Variants in MAP4 observed in about 807,000 individuals in gnomAD.
The protein encoded by MAP4 is microtubule-associated protein 4.
A neutral mutation model predicts 170.2 loss-of-function variants in MAP4; 76 were observed. The observed-to-expected ratio is 0.45, with a 90% CI of 0.37 to 0.54. MAP4 has a LOEUF of 0.54. Among genes scored for constraint, MAP4 ranks in the 20% least tolerant of loss-of-function variants. The probability of loss-of-function intolerance (pLI) is 0.00; values close to 1 mark genes in which losing one functional copy is unlikely to be tolerated. For synonymous variants in MAP4, 909 were observed against 994.5 expected (o/e 0.91, Z 1.62); for missense variants, 2,506 against 2,748.0 (o/e 0.91, Z 1.97).
At chr3:47,991,983 C>CAA (rs764539272) in intron 2 of MAP4, among the ~76,000 whole-genome samples, 22 of 131,918 alleles carry the variant, frequency 1.7e-4, no homozygotes, top group African/African-American at 5.9e-4. Flanking sequence ...ACCCTGTCTT[C>CAA]AAAAAAAAAA....
In MAP4 at chr3:47,984,514, A is replaced by G. The variant is rs915216024; in HGVS notation, c.224-6581T>C. 5.9e-5 allele frequency among the ~76,000 whole-genome samples: 9 copies of G among 152,160 alleles called. No homozygotes were observed. In the East Asian group the frequency reaches 1.7e-3, roughly 29 times the overall value. On this transcript the variant is annotated intron_variant, in intron 2 of 20. Coordinates refer to ENST00000683076, the MANE Select transcript of MAP4 (RefSeq NM_001385682.1). ...ATATCTCCTCACAAATTACTTATTC[A>G]TTACAAGGAGAAAAATATAAATTTT... is the stretch of plus-strand genomic sequence containing the variant.
chr3:48,004,854 A>C (rs556960089), intron 1 of MAP4, among the ~76,000 whole-genome samples: 1 of 151,668 alleles, frequency 6.6e-6, no homozygotes, highest in Non-Finnish European at 1.5e-5. Context: ...CCCCGCCATC[A>C]ACCTTTCCAT....
chr3:47,997,871 T>C (rs1469482400), intron 2 of MAP4, among the ~76,000 whole-genome samples: 1 of 152,166 alleles, frequency 6.6e-6, no homozygotes, highest in African/African-American at 2.4e-5. Context: ...AGATACAAAC[T>C]ACCAAAGCTA....
intron 10 of MAP4, among the ~76,000 whole-genome samples, chr3:47,897,720 CA>C (rs2100027677): frequency 6.6e-6 from 1 of 151,700 alleles, no homozygotes; most frequent in Non-Finnish European, 1.5e-5. Flanking sequence ...GGGCGGATCA[CA>C]AGGTCAGGAG....
chr3:48,072,809 G>A (rs953763773), intron 1 of MAP4, among the ~76,000 whole-genome samples: 3 of 152,072 alleles, frequency 2.0e-5, no homozygotes, highest in Non-Finnish European at 2.9e-5. Context: ...ATTATGCTCC[G>A]CTAAGTCCCA....
In MAP4 at chr3:47,916,641, T is replaced by C. The variant is rs1315580739; in HGVS notation, c.1186A>G (p.Met396Val). 6 of 1,614,104 alleles carry C rather than the reference T, an allele frequency of 3.7e-6. No individual in the cohort carries two copies. The Admixed American group carries it at 5.0e-5, about 13-fold the overall frequency. ...IKMDLAPSKD[M>V]GPPKENKIVP... ...ATCTTGTTTTCTTTGGGTGGTCCCA[T>C]GTCCTTGGAAGGAGCCAAGTCCATT... is the stretch of plus-strand genomic sequence containing the variant. The change falls in exon 7 of 21, where the codon ATG becomes GTG. Residue 396 changes from methionine to valine, a missense_variant. By Grantham distance (21) the Met-to-Val change is conservative (BLOSUM62 1). Around this residue, in one of 3 missense-constraint regions of MAP4, gnomAD observed 2,008 missense variants for 2,206.0 expected, o/e 0.91. Transcript: ENST00000683076.
At chr3:48,057,788 A>G (rs1180641885) in intron 1 of MAP4, among the ~76,000 whole-genome samples, 3 of 152,222 alleles carry the variant, frequency 2.0e-5, no homozygotes, top group Non-Finnish European at 4.4e-5. Flanking sequence ...GTGATATTGT[A>G]CCATGATTCT....
chr3:47,981,827 T>C (rs1388306002), intron 2 of MAP4, among the ~76,000 whole-genome samples: 3 of 151,860 alleles, frequency 2.0e-5, no homozygotes, highest in Admixed American at 6.6e-5. Context: ...TTCTTCACTA[T>C]GATAGCTACA....
At chr3:47,947,832 GA>G (rs1180329963) in intron 3 of MAP4, among the ~76,000 whole-genome samples, 1 of 149,040 alleles carries the variant, frequency 6.7e-6, no homozygotes, top group Non-Finnish European at 1.5e-5. Context: ...AAAGAAAAAA[GA>G]AAAAAAGAAA....
chr3:47,859,610 G>A (rs1028622288), intron 17 of MAP4, among the ~76,000 whole-genome samples: 13 of 152,048 alleles, frequency 8.5e-5, no homozygotes, highest in Admixed American at 6.6e-4. Context: ...CATAGCTCTC[G>A]CTTCAATCCG....
intron 17 of MAP4, among the ~76,000 whole-genome samples, chr3:47,861,666 A>C (rs2066267511): frequency 6.6e-6 from 1 of 151,288 alleles, no homozygotes; most frequent in African/African-American, 2.4e-5. Context: ...TCTGTCTTTA[A>C]AACAACAACA....
intron 3 of MAP4, among the ~76,000 whole-genome samples, chr3:47,954,780 C>G (rs1559588680): frequency 6.6e-6 from 1 of 152,188 alleles, no homozygotes; most frequent in Non-Finnish European, 1.5e-5. Context: ...ATGCTTAGCT[C>G]AAGTCCACCT....
intron 1 of MAP4, among the ~76,000 whole-genome samples, chr3:48,066,692 C>T (rs916412140): frequency 6.6e-6 from 1 of 151,904 alleles, no homozygotes; most frequent in Non-Finnish European, 1.5e-5. Context: ...ATATATGGGA[C>T]CTTATCATCC....
intron 4 of MAP4, among the ~76,000 whole-genome samples, chr3:47,923,727 G>A (rs1357672257): frequency 1.1e-4 from 17 of 152,248 alleles, no homozygotes; most frequent in Admixed American, 1.1e-3. Context: ...GAGGTGGGAG[G>A]ATCACTTGAG....
At chr3:48,077,659 G>A (rs886230678) in intron 1 of MAP4, among the ~76,000 whole-genome samples, 3 of 151,982 alleles carry the variant, frequency 2.0e-5, no homozygotes, top group African/African-American at 7.2e-5. Context: ...TTTTTAAAAG[G>A]TTAAACATAA....
At position 47,850,746 on chromosome 3, in the gene MAP4, G is replaced by C. The variant is rs1061138; in HGVS notation, c.*2188C>G. On this transcript the variant is annotated 3_prime_UTR_variant, in exon 21 of 21. Coordinates refer to ENST00000683076, the MANE Select transcript of MAP4 (RefSeq NM_001385682.1). ...ATTTACTCTTAAAACTGTTACAACA[G>C]AATCATGGACTGACACAGGTAATGG... 9.0e-3 allele frequency: 1,378 copies of C among 153,410 alleles called. 23 individuals carry two copies. Among genetic ancestry groups the C allele is most frequent in the South Asian group, 0.043 (208 of 4,858 alleles). The allele number at this position is 153,410 out of a possible 1,614,324, so 9.5% of individuals were successfully genotyped here.
intron 1 of MAP4, among the ~76,000 whole-genome samples, chr3:48,074,903 A>C (rs1268926418): frequency 2.0e-5 from 3 of 152,050 alleles, no homozygotes; most frequent in African/African-American, 7.2e-5. Flanking sequence ...GAAGTGGAAG[A>C]TCTGACATTG....
intron 10 of MAP4, among the ~76,000 whole-genome samples, chr3:47,889,745 G>T (rs540621213): frequency 1.3e-5 from 2 of 152,196 alleles, no homozygotes; most frequent in Admixed American, 1.3e-4. Context: ...TCAAGAAAAA[G>T]ATGACAAAGT....
intron 1 of MAP4, among the ~76,000 whole-genome samples, chr3:48,015,861 T>G (rs1438346010): frequency 6.6e-6 from 1 of 152,194 alleles, no homozygotes; most frequent in Admixed American, 6.5e-5. Context: ...CTGCTTCTCC[T>G]CCAAACCAGA....
Sources: allele counts gnomAD v4.1 joint callset (sites outside exome capture counted in the v4.1 genomes callset), GRCh38; gene constraint gnomAD v4.1.1; regional missense constraint gnomAD v4.1.1; transcripts MANE v1.5; gene names NCBI Gene and HGNC (gene_info 2026-07-23, HGNC 2026-07-21).